PCDH9: variants seen among roughly 807,000 people sequenced by gnomAD.
The protein encoded by PCDH9 is protocadherin-9.
PCDH9 carries 24 observed loss-of-function variants against 70.6 expected under a neutral mutation model. The ratio of observed to expected loss-of-function variants is 0.34; its 90% CI spans 0.25 to 0.48. PCDH9 has a LOEUF of 0.48. Among genes scored for constraint, PCDH9 ranks in the 20% least tolerant of loss-of-function variants. PCDH9 has a pLI of 0.99. For synonymous variants in PCDH9, 562 were observed against 558.5 expected, an observed-to-expected ratio of 1.01 and a Z score of -0.09; for missense variants, 1,281 against 1,503.6, an observed-to-expected ratio of 0.85 and a Z score of 2.45.
chr13:66,608,711 C>T (rs1005941244), intron 4 of PCDH9, among the ~76,000 whole-genome samples: 1 of 151,690 alleles, frequency 6.6e-6, no homozygotes, highest in Non-Finnish European at 1.5e-5. Flanking sequence ...AAATTCAAAC[C>T]TAGGAGCTCT....
chr13:67,139,328 C>T lies in PCDH9; in HGVS notation c.3036+86077G>A, dbSNP rs527593631. Among the ~76,000 whole-genome samples the T allele has an allele frequency of 1.2e-4, 19 of 152,278 alleles. 1 individual carries two copies. Among genetic ancestry groups the T allele is most frequent in the Non-Finnish European group, 1.5e-4 (10 of 68,018 alleles). On this transcript the variant is annotated intron_variant, in intron 2 of 4. Transcript: ENST00000377865. ...GTGAGCAGCCTTATTGACTCTTAACCGCTATTACCAAGTCTTAATCGCTCA... is the reference window on the plus strand; with the variant it reads ...GTGAGCAGCCTTATTGACTCTTAACTGCTATTACCAAGTCTTAATCGCTCA...
chr13:67,172,095 A>G (rs2088302572), intron 2 of PCDH9, among the ~76,000 whole-genome samples: 1 of 152,234 alleles, frequency 6.6e-6, no homozygotes. Flanking sequence ...TTAATCTCTG[A>G]CCAAAAGAGA....
Position 66,592,837 on chromosome 13 carries a change from T to C in PCDH9, c.3340+38373A>G, listed in dbSNP as rs968753993. Among the ~76,000 whole-genome samples the C allele has an allele frequency of 3.3e-5, 5 of 151,906 alleles. No homozygotes were observed. In the South Asian group the frequency reaches 1.0e-3, roughly 32 times the overall value. The stretch of plus-strand genomic sequence containing the variant: ...TTGTTTCTTCAGGGGTTAAGATTAC[T>C]TTACGTGAAAATGTTTAGTAAGTGA... On this transcript the variant is annotated intron_variant, in intron 4 of 4. Coordinates refer to ENST00000377865, the MANE Select transcript of PCDH9 (RefSeq NM_203487.3).
intron 3 of PCDH9, among the ~76,000 whole-genome samples, chr13:66,849,513 T>TAGAGAGAGAGAG (rs1421579866): frequency 6.6e-4 from 51 of 77,214 alleles, no homozygotes; most frequent in African/African-American, 2.2e-3. Context: ...TATATATATA[T>TAGAGAGAGAGAG]ATATAGAGAG....
At chr13:67,127,515 G>C (rs1490454262) in intron 2 of PCDH9, among the ~76,000 whole-genome samples, 1 of 152,010 alleles carries the variant, frequency 6.6e-6, no homozygotes, top group Non-Finnish European at 1.5e-5. Context: ...TCTGCAGGGT[G>C]CTAGTGTGTG....
At chr13:66,430,817 G>A (rs550034231) in intron 4 of PCDH9, among the ~76,000 whole-genome samples, 10 of 152,210 alleles carry the variant, frequency 6.6e-5, no homozygotes, top group African/African-American at 2.4e-4. Context: ...TCAAAGTGCA[G>A]TAGAGGCACA....
chr13:66,895,871 C>T (rs769792952), intron 3 of PCDH9, among the ~76,000 whole-genome samples: 1 of 152,188 alleles, frequency 6.6e-6, no homozygotes, highest in African/African-American at 2.4e-5. Flanking sequence ...GGCTCATCCC[C>T]CCTCTCTTTG....
chr13:66,876,719 G>A (rs971819483), intron 3 of PCDH9: 1 of 152,074 alleles, frequency 6.6e-6, no homozygotes, highest in East Asian at 1.9e-4. Flanking sequence ...GTAGAGAAAA[G>A]AGGTTTCTAG....
intron 4 of PCDH9, among the ~76,000 whole-genome samples, chr13:66,616,699 G>T (rs1236558707): frequency 6.6e-6 from 1 of 151,906 alleles, no homozygotes; most frequent in African/African-American, 2.4e-5. Flanking sequence ...GGGAAAGCAG[G>T]ACCAAGGAAG....
At chr13:66,362,619 G>A (rs1189288093) in intron 4 of PCDH9, among the ~76,000 whole-genome samples, 2 of 151,994 alleles carry the variant, frequency 1.3e-5, no homozygotes, top group African/African-American at 2.4e-5. Context: ...AGAGCTGAAG[G>A]ATATGTGTAT....
At chr13:66,485,784 C>T (rs756771678) in intron 4 of PCDH9, among the ~76,000 whole-genome samples, 3 of 150,950 alleles carry the variant, frequency 2.0e-5, no homozygotes, top group African/African-American at 4.9e-5. Context: ...TCTTGTTTCC[C>T]AGGCTGGAGT....
At chr13:67,171,535 A>T (rs2088285443) in intron 2 of PCDH9, among the ~76,000 whole-genome samples, 1 of 152,348 alleles carries the variant, frequency 6.6e-6, no homozygotes, top group African/African-American at 2.4e-5. Context: ...GATTTCATTA[A>T]AACTCTTGAG....
chr13:66,515,021 C>T (rs927996100), intron 4 of PCDH9, among the ~76,000 whole-genome samples: 3 of 151,978 alleles, frequency 2.0e-5, no homozygotes, highest in Non-Finnish European at 4.4e-5. Context: ...CCTGATTATA[C>T]CTGGAATTCT....
intron 3 of PCDH9, among the ~76,000 whole-genome samples, chr13:66,898,890 G>T (rs1353651385): frequency 6.6e-6 from 1 of 151,824 alleles, no homozygotes; most frequent in East Asian, 1.9e-4. Context: ...GTGTGTCCTT[G>T]GTTGGTGATG....
intron 3 of PCDH9, among the ~76,000 whole-genome samples, chr13:66,769,112 T>C (rs936148733): frequency 6.6e-6 from 1 of 152,090 alleles, no homozygotes; most frequent in African/African-American, 2.4e-5. Context: ...TGGTTAAAAA[T>C]ATCATCTTTA....
chr13:67,159,693 C>T (rs894696301), intron 2 of PCDH9, among the ~76,000 whole-genome samples: 1 of 151,898 alleles, frequency 6.6e-6, no homozygotes, highest in South Asian at 2.1e-4. Flanking sequence ...GCTTTTTTGG[C>T]CTGAAAAATG....
intron 3 of PCDH9, among the ~76,000 whole-genome samples, chr13:66,690,869 A>G (rs2078473824): frequency 6.6e-6 from 1 of 152,204 alleles, no homozygotes; most frequent in Non-Finnish European, 1.5e-5. Flanking sequence ...CTAGAATGCA[A>G]GCAAGACCTC....
chr13:66,421,875 A>C (rs1057069234), intron 4 of PCDH9, among the ~76,000 whole-genome samples: 2 of 152,328 alleles, frequency 1.3e-5, no homozygotes, highest in African/African-American at 4.8e-5. Flanking sequence ...AATTGGATAA[A>C]GAGTCAAGAC....
At chr13:66,976,965 T>A (rs2083632757) in intron 2 of PCDH9, among the ~76,000 whole-genome samples, 1 of 152,134 alleles carries the variant, frequency 6.6e-6, no homozygotes, top group Non-Finnish European at 1.5e-5. Context: ...TTGTTTTCCA[T>A]TTAAACACTA....
Sources: gnomAD v4.1 joint callset for allele counts (sites outside exome capture counted in the v4.1 genomes callset) on GRCh38, gnomAD v4.1.1 for gene constraint, MANE v1.5 for transcripts, NCBI Gene and HGNC (gene_info 2026-07-23, HGNC 2026-07-21) for gene names.